CUBN: variants seen among roughly 807,000 people sequenced by gnomAD.
The protein encoded by CUBN is 460 kDa receptor.
In CUBN, 282 loss-of-function variants were observed where a neutral mutation model predicts 405.3. The observed-to-expected ratio is 0.70, with a 90% CI of 0.63 to 0.77. CUBN has a LOEUF of 0.77. Ranked by LOEUF, CUBN falls within the 30% of genes least tolerant of loss-of-function variation. The probability of loss-of-function intolerance (pLI) is 0.00; values close to 1 mark genes in which losing one functional copy is unlikely to be tolerated. For synonymous variants in CUBN, 1,684 were observed against 1,617.0 expected (o/e 1.04, Z -0.99); for missense variants, 4,514 against 4,475.2 (o/e 1.01, Z -0.25).
chr10:16,888,278 T>C (rs1232478411), intron 56 of CUBN, 139 bp downstream of exon 56: 2 of 716,474 alleles, frequency 2.8e-6, no homozygotes, highest in African/African-American at 1.8e-5. Flanking sequence ...AAGTGCTAAG[T>C]AAGTGAGTGA....
chr10:16,828,796 T>A lies in CUBN; in HGVS notation c.10764+9A>T, dbSNP rs767518688. On this transcript the variant is annotated intron_variant, in intron 66 of 66. Coordinates refer to ENST00000377833, the MANE Select transcript of CUBN (RefSeq NM_001081.4). ...ACAAATGGGAATATAAAATGTTTGT[T>A]TTACTCACGCCTCCGCAGTATGGTC... 1 of 1,586,288 alleles carries A rather than the reference T, an allele frequency of 6.3e-7. No homozygotes were observed. Among genetic ancestry groups the A allele is most frequent in the East Asian group, 2.2e-5 (1 of 44,744 alleles).
chr10:16,877,394 C>A (rs948131928), intron 56 of CUBN, among the ~76,000 whole-genome samples: 3 of 152,090 alleles, frequency 2.0e-5, no homozygotes, highest in African/African-American at 7.2e-5. Flanking sequence ...AACTGGGGAC[C>A]GTGTTGCCTC....
intron 58 of CUBN, among the ~76,000 whole-genome samples, chr10:16,872,120 G>T (rs1362842458): frequency 6.6e-6 from 1 of 151,930 alleles, no homozygotes; most frequent in Admixed American, 6.6e-5. Context: ...CACACCTGTA[G>T]TCCCAGCTAC....
At chr10:16,955,803 C>A (rs181308750) in intron 31 of CUBN, among the ~76,000 whole-genome samples, 4 of 152,284 alleles carry the variant, frequency 2.6e-5, no homozygotes, top group Non-Finnish European at 5.9e-5. Context: ...CCAAGTCACA[C>A]AATTCCTAAG....
At chr10:16,911,430 G>A (rs945160129) in intron 48 of CUBN, among the ~76,000 whole-genome samples, 2 of 152,180 alleles carry the variant, frequency 1.3e-5, no homozygotes, top group African/African-American at 4.8e-5. Flanking sequence ...ATCTTCTAGA[G>A]TAGGATGTGG....
At chr10:16,948,698 G>T in intron 34 of CUBN, 92 bp from the exon 35 acceptor site, 1 of 1,525,182 alleles carries the variant, frequency 6.6e-7, no homozygotes, top group Non-Finnish European at 8.9e-7. Flanking sequence ...AATTACAAGA[G>T]ACCAAAACAA....
chr10:16,834,487 A>C (rs56936588), intron 64 of CUBN, among the ~76,000 whole-genome samples: 18,343 of 152,202 alleles, frequency 0.12, 1,339 homozygotes, highest in Middle Eastern at 0.18. Context: ...AAGAAAGGAC[A>C]GACCACACCC....
intron 65 of CUBN, among the ~76,000 whole-genome samples, chr10:16,830,985 G>A (rs547931888): frequency 3.9e-5 from 6 of 152,098 alleles, no homozygotes; most frequent in African/African-American, 1.2e-4. Flanking sequence ...TACTTGGGAA[G>A]CTGAGGTAGG....
chr10:16,899,584 A>T (rs1025990410), intron 53 of CUBN, among the ~76,000 whole-genome samples: 1 of 152,226 alleles, frequency 6.6e-6, no homozygotes, highest in Non-Finnish European at 1.5e-5. Context: ...TCCATTTGCA[A>T]CGTTACTCTA....
At chr10:16,840,715 A>C (rs1839321485) in intron 61 of CUBN, among the ~76,000 whole-genome samples, 170 bp downstream of exon 61, 2 of 152,218 alleles carry the variant, frequency 1.3e-5, no homozygotes, top group African/African-American at 4.8e-5. Flanking sequence ...CCACAGATTA[A>C]ACATACAGTA....
At chr10:17,044,175 T>C (rs897008831) in intron 25 of CUBN, among the ~76,000 whole-genome samples, 192 bp from the exon 26 acceptor site, 6 of 147,020 alleles carry the variant, frequency 4.1e-5, no homozygotes, top group Non-Finnish European at 7.5e-5. Context: ...AATAAATTTA[T>C]TTAATACATA....
At position 16,955,478 on chromosome 10, in the gene CUBN, C is replaced by T. The variant is rs1364972724; in HGVS notation, c.4696-930G>A. On this transcript the variant is annotated intron_variant, in intron 31 of 66. Coordinates refer to ENST00000377833, the MANE Select transcript of CUBN (RefSeq NM_001081.4). ...AGTGCCATGCTGGGACCTAGCTGAC[C>T]CTCCAGGCATGTAATGAAATGGAAT... Among the ~76,000 whole-genome samples the T allele has an allele frequency of 2.0e-5, 3 of 151,724 alleles. No homozygotes were observed. In the South Asian group the frequency reaches 6.2e-4, roughly 32 times the overall value.
chr10:17,011,281 A>G (rs1834171904), intron 28 of CUBN, among the ~76,000 whole-genome samples: 1 of 152,158 alleles, frequency 6.6e-6, no homozygotes, highest in Non-Finnish European at 1.5e-5. Flanking sequence ...ACAGTTCTTA[A>G]AGATGGTGTG....
chr10:16,925,849 T>TG, intron 41 of CUBN, 75 bp from the exon 42 acceptor site: 1 of 1,376,104 alleles, frequency 7.3e-7, no homozygotes, highest in Non-Finnish European at 1.0e-6. Context: ...TTAGTTTTCT[T>TG]GGGGGGTTTT....
intron 54 of CUBN, among the ~76,000 whole-genome samples, chr10:16,893,441 T>C (rs914198063): frequency 6.6e-6 from 1 of 151,904 alleles, no homozygotes; most frequent in Non-Finnish European, 1.5e-5. Flanking sequence ...TATATACAAG[T>C]TGTACACAAT....
At position 17,104,511 on chromosome 10, in the gene CUBN, A is replaced by T; in HGVS notation, c.1325T>A (p.Leu442Ter). 6.2e-7 allele frequency: 1 copy of T among 1,613,988 alleles called. No individual in the cohort carries two copies. The highest frequency in any genetic ancestry group is 8.5e-7 in the Non-Finnish European group (1 of 1,180,004). ...NINECLSNPC[L>*]NGGTCVDGVD... ...GCCATCAACACAAGTTCCTCCATTC[A>T]AACAGGGGTTGCTCAAACACTCATT... is the stretch of plus-strand genomic sequence containing the variant. The change falls in exon 12 of 67, where the codon TTG (leucine) becomes TAG (stop). Residue 442 changes from leucine (L) to a stop codon, truncating the protein, a stop_gained. Transcript: ENST00000377833. LOFTEE classifies it high-confidence loss of function.
In CUBN at chr10:17,115,463, G is replaced by A. The variant is rs759955186; in HGVS notation, c.720+8C>T. 3.1e-6 allele frequency: 5 copies of A among 1,613,616 alleles called. No homozygotes were observed. In the Admixed American group the frequency reaches 8.3e-5, roughly 27 times the overall value. ...CTGCAAGGAGGCACATTTGGGGAAGGGACCCACCTCTCCAGCTTGCTCTCG... is the reference window on the plus strand; with the variant it reads ...CTGCAAGGAGGCACATTTGGGGAAGAGACCCACCTCTCCAGCTTGCTCTCG... On this transcript the variant is annotated splice_region_variant and intron_variant, in intron 7 of 66. Transcript: ENST00000377833.
intron 47 of CUBN, among the ~76,000 whole-genome samples, chr10:16,914,658 CAAA>C (rs5783521): frequency 3.1e-5 from 4 of 131,104 alleles, no homozygotes; most frequent in Admixed American, 7.6e-5. Context: ...CCCATGTTCA[CAAA>C]AAAAAAAAAA....
chr10:16,913,793 G>A lies in CUBN; in HGVS notation c.7533+18C>T. On this transcript the variant is annotated intron_variant, in intron 48 of 66. Transcript: ENST00000377833. Reference sequence around the variant, plus strand: ...TAAATGATGGAATATAACATCTCAGGCGGCAGGGAACACTTACTATCACAT... The same window carrying A: ...TAAATGATGGAATATAACATCTCAGACGGCAGGGAACACTTACTATCACAT... The A allele has an allele frequency of 1.2e-6, 2 of 1,612,554 alleles. No homozygotes were observed. Among genetic ancestry groups the A allele is most frequent in the Non-Finnish European group, 1.7e-6 (2 of 1,179,878 alleles).
Sources: gnomAD v4.1 joint callset for allele counts (sites outside exome capture counted in the v4.1 genomes callset) on GRCh38, gnomAD v4.1.1 for gene constraint, MANE v1.5 for transcripts, NCBI Gene and HGNC (gene_info 2026-07-23, HGNC 2026-07-21) for gene names.